Variants in REDIC1 observed in about 807,000 individuals in gnomAD.
REDIC1 encodes regulator of DNA class I crossover intermediates 1.
At chr12:39,713,466 A>C in the REDIC1 span, among the ~76,000 whole-genome samples, 1 of 149,644 alleles carries the variant, frequency 6.7e-6, no homozygotes, top group African/African-American at 2.4e-5. Flanking sequence ...ACATTTGTAT[A>C]TATACATGTA....
chr12:39,861,865 G>GT, the REDIC1 span, among the ~76,000 whole-genome samples: 281 of 151,582 alleles, frequency 1.9e-3, no homozygotes, highest in Middle Eastern at 0.01. Flanking sequence ...TCTAAAAGGT[G>GT]TTTTTTTTTA....
chr12:39,632,456 G>T, the REDIC1 span, among the ~76,000 whole-genome samples: 1 of 152,012 alleles, frequency 6.6e-6, no homozygotes, highest in African/African-American at 2.4e-5. Flanking sequence ...GATTGACAAC[G>T]TAGTAAAACC....
the REDIC1 span, among the ~76,000 whole-genome samples, chr12:39,792,860 G>C: frequency 2.7e-5 from 4 of 150,718 alleles, no homozygotes; most frequent in Admixed American, 2.6e-4. Context: ...TATTGTTCTA[G>C]GGTCAACTGT....
the REDIC1 span, among the ~76,000 whole-genome samples, chr12:39,653,542 C>T: frequency 3.0e-3 from 112 of 37,254 alleles, 1 homozygote; most frequent in African/African-American, 4.9e-3. Context: ...TCTTCTTTTT[C>T]TTCTTCTTCT....
the REDIC1 span, among the ~76,000 whole-genome samples, chr12:39,700,511 C>A: frequency 6.6e-6 from 1 of 152,046 alleles, no homozygotes; most frequent in Non-Finnish European, 1.5e-5. Flanking sequence ...GAAAACACTC[C>A]GCAGGATATT....
chr12:39,746,793 G>A, the REDIC1 span, among the ~76,000 whole-genome samples: 23 of 152,326 alleles, frequency 1.5e-4, no homozygotes, highest in East Asian at 7.7e-4. Context: ...TGCAGCCTCC[G>A]CTGCTGATAC....
chr12:39,633,901 T>C, the REDIC1 span, among the ~76,000 whole-genome samples: 2 of 152,204 alleles, frequency 1.3e-5, no homozygotes, highest in Non-Finnish European at 2.9e-5. Flanking sequence ...TTAAAAGATT[T>C]ATATTAAAAA....
At chr12:39,765,002 T>C in the REDIC1 span, 2 of 953,212 alleles carry the variant, frequency 2.1e-6, no homozygotes, top group Non-Finnish European at 3.0e-6. Context: ...GAACTAAATA[T>C]ACAGTATTAG....
At chr12:39,854,112 AT>A in the REDIC1 span, among the ~76,000 whole-genome samples, 1 of 152,028 alleles carries the variant, frequency 6.6e-6, no homozygotes, top group Non-Finnish European at 1.5e-5. Flanking sequence ...AAAAAAAAAA[AT>A]AAAGGCCATT....
the REDIC1 span, among the ~76,000 whole-genome samples, chr12:39,792,241 T>C: frequency 1.5e-4 from 21 of 136,842 alleles, no homozygotes; most frequent in Non-Finnish European, 9.5e-5. Flanking sequence ...GGATTAAAGA[T>C]TTAAACGTTA....
the REDIC1 span, among the ~76,000 whole-genome samples, chr12:39,815,640 A>G: frequency 6.6e-6 from 1 of 152,214 alleles, no homozygotes; most frequent in Non-Finnish European, 1.5e-5. Context: ...CCATAATGCA[A>G]TAATTATTGG....
the REDIC1 span, among the ~76,000 whole-genome samples, chr12:39,772,319 A>G: frequency 7.2e-5 from 11 of 152,162 alleles, no homozygotes; most frequent in South Asian, 4.1e-4. Context: ...GAGTCCATAT[A>G]GGGTTGTTAC....
chr12:39,782,395 T>C, the REDIC1 span, among the ~76,000 whole-genome samples: 1 of 152,170 alleles, frequency 6.6e-6, no homozygotes, highest in African/African-American at 2.4e-5. Flanking sequence ...TGTCACGAAA[T>C]CTGATGGGTT....
the REDIC1 span, among the ~76,000 whole-genome samples, chr12:39,712,582 T>TATATAC: frequency 9.6e-3 from 1,378 of 143,410 alleles, 23 homozygotes; most frequent in African/African-American, 0.032. Context: ...TACGTATATA[T>TATATAC]GTATATACGT....
chr12:39,864,784 T>C, the REDIC1 span: 1 of 1,614,048 alleles, frequency 6.2e-7, no homozygotes, highest in Non-Finnish European at 8.5e-7. Flanking sequence ...CAAGTGGCGT[T>C]CTGACCTGAC....
At chr12:39,679,702 G>A in the REDIC1 span, among the ~76,000 whole-genome samples, 1 of 152,088 alleles carries the variant, frequency 6.6e-6, no homozygotes, top group Non-Finnish European at 1.5e-5. Context: ...TAAGCAAAAA[G>A]AACAAATCTG....
At chr12:39,663,445 C>A in the REDIC1 span, among the ~76,000 whole-genome samples, 1 of 151,918 alleles carries the variant, frequency 6.6e-6, no homozygotes. Flanking sequence ...CTTTTTACAT[C>A]CCTTTACTTT....
At chr12:39,867,132 T>C in the REDIC1 span, among the ~76,000 whole-genome samples, 1 of 152,128 alleles carries the variant, frequency 6.6e-6, no homozygotes, top group Admixed American at 6.5e-5. Flanking sequence ...AAACGAACCA[T>C]GAGATTTACT....
chr12:39,749,555 C>T, the REDIC1 span, among the ~76,000 whole-genome samples: 2 of 152,196 alleles, frequency 1.3e-5, no homozygotes, highest in African/African-American at 2.4e-5. Flanking sequence ...AGGGAATCCT[C>T]CCTAACTCAT....
Sources: allele counts gnomAD v4.1 joint callset (sites outside exome capture counted in the v4.1 genomes callset), GRCh38; gene constraint gnomAD v4.1.1; transcripts MANE v1.5; gene names NCBI Gene and HGNC (gene_info 2026-07-23, HGNC 2026-07-21).